The following TET1 variants were observed in gnomAD, a reference collection of about 807,000 sequenced individuals.
The protein encoded by TET1 is methylcytosine dioxygenase TET1.
In TET1, 13 loss-of-function variants were observed where a neutral mutation model predicts 148.7. That is an observed-to-expected ratio of 0.09 (90% CI 0.06 to 0.14). TET1 has a LOEUF of 0.14. Among genes scored for constraint, TET1 ranks in the 10% least tolerant of loss-of-function variants. The pLI, the probability that TET1 is intolerant of heterozygous loss-of-function variation, is 1.00. For synonymous variants in TET1, 907 were observed against 937.2 expected (o/e 0.97, Z 0.59); for missense variants, 2,182 against 2,553.8 (o/e 0.85, Z 3.14).
At chr10:68,664,930 A>G (rs1317489125) in intron 6 of TET1, among the ~76,000 whole-genome samples, 1 of 151,610 alleles carries the variant, frequency 6.6e-6, no homozygotes, top group Non-Finnish European at 1.5e-5. Context: ...ACATGCCACT[A>G]TGCCGGGTTT....
chr10:68,681,608 A>G (rs2055434968), intron 9 of TET1, 120 bp downstream of exon 9: 1 of 580,620 alleles, frequency 1.7e-6, no homozygotes, highest in East Asian at 3.1e-5. Flanking sequence ...AGCTCAAGCA[A>G]TGCTCCTGCC....
chr10:68,584,406 A>AAAC (rs368246204), intron 2 of TET1, among the ~76,000 whole-genome samples: 149 of 151,962 alleles, frequency 9.8e-4, no homozygotes, highest in African/African-American at 3.3e-3. Flanking sequence ...AATGTCTGTT[A>AAAC]AAAGAAAAAA....
rs762819840 is a variant in TET1, at chr10:68,645,818, A to G, written c.3089A>G (p.Asn1030Ser). Residue 1030 changes from asparagine to serine, a missense_variant, in exon 4 of 12, where the codon AAT becomes AGT. By Grantham distance (46) the Asn-to-Ser change is conservative. Around this residue, in one of 11 missense-constraint regions of TET1, gnomAD observed 582 missense variants for 599.5 expected, o/e 0.97. Transcript: ENST00000373644. ...GCTCAAGGGATAATTACTCTTGACAATTGTTCCAATGATTTGCATCAGTTG... is the reference window on the plus strand; with the variant it reads ...GCTCAAGGGATAATTACTCTTGACAGTTGTTCCAATGATTTGCATCAGTTG... ...SIAQGIITLD[N>S]CSNDLHQLPP... The G allele has an allele frequency of 3.7e-6, 6 of 1,614,136 alleles. No homozygotes were observed. The East Asian group carries it at 1.3e-4, about 36-fold the overall frequency.
At chr10:68,679,310 T>C (rs1018038226) in intron 8 of TET1, among the ~76,000 whole-genome samples, 5 of 152,254 alleles carry the variant, frequency 3.3e-5, no homozygotes, top group African/African-American at 1.2e-4. Flanking sequence ...AGATGACCTG[T>C]TCCTCAGTAG....
intron 3 of TET1, among the ~76,000 whole-genome samples, chr10:68,604,491 C>T (rs2054097756): frequency 6.6e-6 from 1 of 152,108 alleles, no homozygotes; most frequent in Admixed American, 6.6e-5. Flanking sequence ...GTAGCTACAG[C>T]TGAGTAGAGG....
Position 68,644,802 on chromosome 10 carries a change from T to C in TET1, c.2073T>C (p.Thr691=). ...AAAAATTGGAATTGAACCCACATAC[T>C]GTTGAAAATGTAACTAAAAATGAAG... ...EEQKLELNPH[T]VENVTKNEDS... Residue 691 remains threonine (T), a synonymous_variant, in exon 4 of 12, where the codon ACT becomes ACC. Transcript: ENST00000373644. The C allele has an allele frequency of 6.2e-7, 1 of 1,614,022 alleles. No homozygotes were observed. Among genetic ancestry groups the C allele is most frequent in the Non-Finnish European group, 8.5e-7 (1 of 1,179,982 alleles).
intron 3 of TET1, among the ~76,000 whole-genome samples, chr10:68,636,363 C>T (rs570607175): frequency 6.6e-6 from 1 of 152,160 alleles, no homozygotes; most frequent in Non-Finnish European, 1.5e-5. Flanking sequence ...CACTCCAGCC[C>T]TGATTTGAAA....
chr10:68,565,026 A>C (rs1485918817), intron 1 of TET1, among the ~76,000 whole-genome samples: 1 of 152,208 alleles, frequency 6.6e-6, no homozygotes, highest in Admixed American at 6.5e-5. Flanking sequence ...TGTCTCAAAA[A>C]AACAAAACAA....
rs1322085153 is a variant in TET1, at chr10:68,622,199, TTC to T, written c.1968+21166_1968+21167del. 8.3e-4 allele frequency among the ~76,000 whole-genome samples: 108 copies of T among 130,314 alleles called. No homozygotes were observed. In the South Asian group the frequency reaches 0.016, roughly 19 times the overall value. The allele number at this position is 130,314 out of a possible 152,430, so 85.5% of individuals were successfully genotyped here. On this transcript the variant is annotated intron_variant, in intron 3 of 11. Transcript: ENST00000373644. ...CTTCCTTCCTTCCTTCCTTCCTTCC[TTC>T]CTTCCTTCCTTCCTTCCTTCCCTCC...
chr10:68,566,997 GAAGAAACATAGGTATA>G (rs571107679), intron 1 of TET1, among the ~76,000 whole-genome samples: 12 of 152,146 alleles, frequency 7.9e-5, no homozygotes, highest in Non-Finnish European at 1.6e-4. Context: ...TATTAAACAT[GAAGAAACATAGGTATA>G]AAGATACCAA....
intron 3 of TET1, among the ~76,000 whole-genome samples, chr10:68,614,437 CA>C (rs1481230684): frequency 2.0e-5 from 3 of 152,118 alleles, no homozygotes; most frequent in Non-Finnish European, 2.9e-5. Context: ...CCTGACTTTT[CA>C]AAAAACTCAG....
intron 2 of TET1, among the ~76,000 whole-genome samples, chr10:68,591,299 CCT>C (rs1163560083): frequency 6.6e-6 from 1 of 152,056 alleles, no homozygotes; most frequent in Non-Finnish European, 1.5e-5. Flanking sequence ...TTTTTTGGTT[CCT>C]CTCTTTTTTC....
intron 1 of TET1, among the ~76,000 whole-genome samples, chr10:68,567,062 A>G (rs567938074): frequency 6.6e-6 from 1 of 152,206 alleles, no homozygotes; most frequent in African/African-American, 2.4e-5. Context: ...TGAACTGAAA[A>G]CTGAACCCAG....
intron 1 of TET1, among the ~76,000 whole-genome samples, chr10:68,562,406 G>T (rs2053564320): frequency 6.6e-6 from 1 of 152,070 alleles, no homozygotes; most frequent in African/African-American, 2.4e-5. Flanking sequence ...GTTAATAATC[G>T]AAAGACTTAG....
chr10:68,672,486 TCAAAAAAAAAAAAAAAAAAAAAAAACAC>T (rs1361821900), intron 7 of TET1, among the ~76,000 whole-genome samples: 9 of 1,478 alleles, frequency 6.1e-3, no homozygotes, highest in Non-Finnish European at 0.013. Flanking sequence ...AGACCCCATC[TCAAAAAAAAAAAAAAAAAAAAAAAACAC>T]CAAAAAAAAA....
At chr10:68,667,342 A>G (rs368915523) in intron 7 of TET1, 86 bp downstream of exon 7, 2 of 1,075,594 alleles carry the variant, frequency 1.9e-6, no homozygotes, top group Non-Finnish European at 2.7e-6. Context: ...AACTATGTAT[A>G]TTATATGGGA....
At position 68,611,670 on chromosome 10, in the gene TET1, TTTTC is replaced by T. The variant is rs1466801312; in HGVS notation, c.1968+10644_1968+10647del. On this transcript the variant is annotated intron_variant, in intron 3 of 11. Transcript: ENST00000373644. ...CCTTTCTTTCTTTTCTTTTCTTTTCTTTTCTTTCTTTTCTTTTCTTTTCTTTTCT... is the reference window on the plus strand; with the variant it reads ...CCTTTCTTTCTTTTCTTTTCTTTTCTTTTCTTTTCTTTTCTTTTCTTTTCT... Among the ~76,000 whole-genome samples the T allele has an allele frequency of 9.8e-4, 136 of 139,310 alleles. No individual in the cohort carries two copies. The South Asian group carries it at 0.011, about 11-fold the overall frequency. The allele number at this position is 139,310 out of a possible 152,430, so 91.4% of individuals were successfully genotyped here. A position where few individuals can be genotyped will look rare whatever the true frequency, so the allele number is the denominator to read the frequency against.
At chr10:68,564,309 C>T (rs536251957) in intron 1 of TET1, among the ~76,000 whole-genome samples, 26 of 151,054 alleles carry the variant, frequency 1.7e-4, no homozygotes, top group African/African-American at 5.8e-4. Context: ...CTACCATGCC[C>T]GGCTAATTTT....
Position 68,644,870 on chromosome 10 carries a change from A to G in TET1, c.2141A>G (p.Lys714Arg). The change falls in exon 4 of 12, where the codon AAG becomes AGG. Residue 714 changes from lysine to arginine, a missense_variant. Transcript: ENST00000373644. ...GIEVEKWTQN[K>R]KSQLTDHVKG... ...GAGGTGGAGAAGTGGACACAAAACA[A>G]GAAATCACAGTTAACTGATCACGTG... 6.2e-7 allele frequency: 1 copy of G among 1,613,644 alleles called. No individual in the cohort carries two copies. Among genetic ancestry groups the G allele is most frequent in the Non-Finnish European group, 8.5e-7 (1 of 1,179,812 alleles).
Sources: gnomAD v4.1 joint callset for allele counts (sites outside exome capture counted in the v4.1 genomes callset) on GRCh38, gnomAD v4.1.1 for gene constraint, gnomAD v4.1.1 regional missense constraint, MANE v1.5 for transcripts, NCBI Gene and HGNC (gene_info 2026-07-23, HGNC 2026-07-21) for gene names.